Variants in SYT14 observed in about 807,000 individuals in gnomAD.
SYT14 encodes synaptotagmin 14, also known as synaptotagmin-14.
SYT14 carries 32 observed loss-of-function variants against 74.2 expected under a neutral mutation model. That is an observed-to-expected ratio of 0.43 (90% CI 0.33 to 0.58). The LOEUF (loss-of-function observed/expected upper bound fraction) is 0.58. SYT14 is among the 20% of genes least tolerant of loss of function. SYT14 has a pLI of 0.05. For synonymous variants in SYT14, 298 were observed against 337.7 expected, an observed-to-expected ratio of 0.88 and a Z score of 1.29; for missense variants, 791 against 981.8, an observed-to-expected ratio of 0.81 and a Z score of 2.60.
intron 7 of SYT14, among the ~76,000 whole-genome samples, chr1:210,113,113 G>T (rs998498101): frequency 1.3e-5 from 2 of 151,360 alleles, no homozygotes; most frequent in African/African-American, 4.9e-5. Context: ...GGACAAAAAG[G>T]CTACAGGGCG....
At chr1:210,023,331 T>C (rs757967206) in intron 5 of SYT14, among the ~76,000 whole-genome samples, 3 of 151,996 alleles carry the variant, frequency 2.0e-5, no homozygotes, top group Non-Finnish European at 4.4e-5. Flanking sequence ...AGTAGAAATA[T>C]AGAGGAAATT....
chr1:210,096,168 TTAAA>T (rs1474861827), intron 6 of SYT14, among the ~76,000 whole-genome samples: 2 of 152,322 alleles, frequency 1.3e-5, no homozygotes, highest in East Asian at 3.9e-4. Context: ...GAAGCAGCTC[TTAAA>T]TAGTGAAACT....
At chr1:210,135,323 C>T (rs2082762447) in intron 7 of SYT14, among the ~76,000 whole-genome samples, 1 of 152,156 alleles carries the variant, frequency 6.6e-6, no homozygotes, top group Non-Finnish European at 1.5e-5. Context: ...TTTAGACCTT[C>T]TATTGCTGTA....
intron 5 of SYT14, among the ~76,000 whole-genome samples, chr1:210,068,752 G>C (rs1166799232): frequency 6.6e-6 from 1 of 151,344 alleles, no homozygotes; most frequent in Non-Finnish European, 1.5e-5. Flanking sequence ...TTATTTCAAG[G>C]AAACATTTTG....
chr1:210,039,616 A>G (rs1472293786), intron 5 of SYT14, among the ~76,000 whole-genome samples: 1 of 152,086 alleles, frequency 6.6e-6, no homozygotes, highest in Non-Finnish European at 1.5e-5. Flanking sequence ...GATGGGAGAA[A>G]ATTTTTGCAA....
chr1:210,141,062 A>G (rs964174394), intron 7 of SYT14, among the ~76,000 whole-genome samples: 48 of 151,706 alleles, frequency 3.2e-4, no homozygotes, highest in Non-Finnish European at 5.7e-4. Flanking sequence ...AAAAAAAAAA[A>G]AAGAAGGCCA....
intron 7 of SYT14, among the ~76,000 whole-genome samples, chr1:210,123,939 A>G (rs1369716160): frequency 6.6e-6 from 1 of 152,222 alleles, no homozygotes; most frequent in South Asian, 2.1e-4. Context: ...AAATGCTCAG[A>G]AAAAGGAACA....
intron 5 of SYT14, among the ~76,000 whole-genome samples, chr1:210,034,652 A>G (rs924138563): frequency 1.3e-5 from 2 of 151,558 alleles, no homozygotes; most frequent in African/African-American, 2.4e-5. Flanking sequence ...TCCAATTTCT[A>G]TGTTCAGTTT....
At chr1:210,029,838 T>C (rs1486123907) in intron 5 of SYT14, among the ~76,000 whole-genome samples, 1 of 152,196 alleles carries the variant, frequency 6.6e-6, no homozygotes, top group Non-Finnish European at 1.5e-5. Flanking sequence ...CTTTTGGTAT[T>C]ATTGACATGT....
At chr1:210,111,044 A>T (rs2082252668) in intron 7 of SYT14, among the ~76,000 whole-genome samples, 2 of 152,126 alleles carry the variant, frequency 1.3e-5, no homozygotes, top group African/African-American at 4.8e-5. Context: ...ACATTAACAT[A>T]AACCATTTAA....
At chr1:209,991,346 C>T (rs2102842427) in intron 2 of SYT14, among the ~76,000 whole-genome samples, 1 of 152,246 alleles carries the variant, frequency 6.6e-6, no homozygotes, top group South Asian at 2.1e-4. Context: ...AACAGACAAC[C>T]TGCAGAATGG....
At chr1:210,099,828 C>T (rs1558188289) in intron 6 of SYT14, among the ~76,000 whole-genome samples, 184 bp from the exon 6 acceptor site, 1 of 152,166 alleles carries the variant, frequency 6.6e-6, no homozygotes, top group Non-Finnish European at 1.5e-5. Flanking sequence ...ATTTAACTTA[C>T]TGCCTGTACT....
chr1:210,082,278 A>C (rs1255367901), intron 5 of SYT14, among the ~76,000 whole-genome samples: 1 of 152,176 alleles, frequency 6.6e-6, no homozygotes, highest in East Asian at 1.9e-4. Context: ...TTCTCCTCCC[A>C]AGTCCATACA....
chr1:210,038,441 G>C (rs529535451), intron 5 of SYT14, among the ~76,000 whole-genome samples: 19 of 152,046 alleles, frequency 1.2e-4, no homozygotes, highest in Non-Finnish European at 1.9e-4. Flanking sequence ...TGATATGTAG[G>C]GTTTCTTCTT....
intron 7 of SYT14, among the ~76,000 whole-genome samples, chr1:210,105,672 T>C (rs925270994): frequency 3.3e-5 from 5 of 152,220 alleles, no homozygotes; most frequent in African/African-American, 1.2e-4. Flanking sequence ...CCAAATCTCA[T>C]GTTGAACATG....
chr1:209,941,886 G>A (rs916064282), intron 1 of SYT14, among the ~76,000 whole-genome samples: 2 of 152,068 alleles, frequency 1.3e-5, no homozygotes, highest in African/African-American at 2.4e-5. Context: ...CATAATATTT[G>A]CATATAACTT....
intron 2 of SYT14, among the ~76,000 whole-genome samples, chr1:210,000,234 A>G (rs192578716): frequency 4.6e-5 from 7 of 152,272 alleles, no homozygotes; most frequent in African/African-American, 1.7e-4. Context: ...AGACAATTGA[A>G]TCCTGACTCT....
chr1:210,149,508 C>G (rs1440837573), intron 7 of SYT14, among the ~76,000 whole-genome samples: 2 of 151,952 alleles, frequency 1.3e-5, no homozygotes, highest in Non-Finnish European at 2.9e-5. Flanking sequence ...ATTTTTATGA[C>G]CATTTCCACA....
At chr1:210,141,726 A>T (rs1449335230) in intron 7 of SYT14, among the ~76,000 whole-genome samples, 1 of 152,218 alleles carries the variant, frequency 6.6e-6, no homozygotes, top group Non-Finnish European at 1.5e-5. Flanking sequence ...GTGTATATTG[A>T]GCCATGCTTT....
Sources: allele counts gnomAD v4.1 joint callset (sites outside exome capture counted in the v4.1 genomes callset), GRCh38; gene constraint gnomAD v4.1.1; transcripts MANE v1.5; gene names NCBI Gene and HGNC (gene_info 2026-07-23, HGNC 2026-07-21).